Variants in SNHG17 observed in about 807,000 individuals in gnomAD.
SNHG17 encodes the protein small nucleolar RNA host gene 17 (non-protein coding).
intron 2 of SNHG17, among the ~76,000 whole-genome samples, chr20:38,434,256 C>T (rs936901306): frequency 1.3e-5 from 2 of 152,258 alleles, no homozygotes; most frequent in African/African-American, 4.8e-5. Flanking sequence ...GAAAAACAGC[C>T]AAGGCCTCTG....
chr20:38,424,672 T>C (rs965878884), intron 5 of SNHG17, among the ~76,000 whole-genome samples: 1 of 152,080 alleles, frequency 6.6e-6, no homozygotes, highest in African/African-American at 2.4e-5. Flanking sequence ...AAACCAACAA[T>C]TCCCAGACAG....
chr20:38,435,295 G>T, exon 1 of SNHG17: 4 of 1,231,692 alleles, frequency 3.2e-6, no homozygotes, highest in Non-Finnish European at 4.0e-6. Context: ...GGTGGCGTGC[G>T]ATGGCGAAGG....
chr20:38,429,409 C>T (rs763254632), intron 3 of SNHG17: 22 of 193,324 alleles, frequency 1.1e-4, no homozygotes, highest in Admixed American at 1.9e-4. Context: ...ACAATTTCCA[C>T]AGGTTCAGCT....
chr20:38,435,321 G>A (rs2084414305), exon 1 of SNHG17: 6 of 1,231,324 alleles, frequency 4.9e-6, no homozygotes, highest in South Asian at 4.1e-5. Context: ...GAGGGACGGC[G>A]AAGGACTGAG....
chr20:38,424,739 G>C (rs1009983377), intron 5 of SNHG17, among the ~76,000 whole-genome samples: 2 of 152,072 alleles, frequency 1.3e-5, no homozygotes, highest in African/African-American at 4.8e-5. Flanking sequence ...GAGAGCTTCT[G>C]GGGGGAGCTC....
chr20:38,435,091 C>T (rs2084409806), intron 1 of SNHG17: 2 of 1,232,046 alleles, frequency 1.6e-6, no homozygotes, highest in African/African-American at 1.6e-5. Context: ...GAGGACGAGA[C>T]ACTGCACCAA....
chr20:38,428,029 G>A (rs1274962132), intron 3 of SNHG17: 1 of 152,240 alleles, frequency 6.6e-6, no homozygotes, highest in Non-Finnish European at 1.5e-5. Context: ...GAGAGGGAGG[G>A]AGCATGAGGA....
intron 5 of SNHG17, among the ~76,000 whole-genome samples, chr20:38,422,743 T>C (rs2084178087): frequency 6.6e-6 from 1 of 152,110 alleles, no homozygotes; most frequent in Non-Finnish European, 1.5e-5. Context: ...AAAGAAAATG[T>C]GGCATACGCA....
chr20:38,421,516 T>G (rs2084156362), intron 6 of SNHG17: 1 of 152,230 alleles, frequency 6.6e-6, no homozygotes, highest in South Asian at 2.1e-4. Flanking sequence ...GCAGACTGGT[T>G]TCTGGCAGGA....
At chr20:38,432,232 C>A in intron 2 of SNHG17, 1 of 893,886 alleles carries the variant, frequency 1.1e-6, no homozygotes, top group Non-Finnish European at 1.3e-6. Flanking sequence ...CTCAGCAACA[C>A]GAAGAGTTCA....
At chr20:38,433,514 T>G (rs1032030273) in intron 2 of SNHG17, among the ~76,000 whole-genome samples, 4 of 152,168 alleles carry the variant, frequency 2.6e-5, no homozygotes, top group African/African-American at 7.2e-5. Context: ...CGAGGATCAC[T>G]TGAGTACAGG....
chr20:38,425,647 A>G (rs2084234057), intron 5 of SNHG17, among the ~76,000 whole-genome samples: 1 of 152,178 alleles, frequency 6.6e-6, no homozygotes, highest in Admixed American at 6.6e-5. Context: ...TGGTTCTGGG[A>G]CCACAGTTTG....
chr20:38,432,262 T>C (rs528928051), intron 2 of SNHG17: 1 of 666,598 alleles, frequency 1.5e-6, no homozygotes, highest in Admixed American at 6.3e-5. Flanking sequence ...GAACCAGTCA[T>C]CAGGGACAGC....
exon 8 of SNHG17, chr20:38,420,794 G>A (rs1432856751): frequency 2.6e-5 from 4 of 152,136 alleles, no homozygotes; most frequent in Admixed American, 6.5e-5. Context: ...CAGTGGATCC[G>A]GGGTGCTCTG....
intron 5 of SNHG17, among the ~76,000 whole-genome samples, chr20:38,424,600 C>A (rs1421472326): frequency 6.6e-6 from 1 of 152,182 alleles, no homozygotes; most frequent in African/African-American, 2.4e-5. Context: ...TACCAGGCAC[C>A]ATGTGAAACA....
At chr20:38,421,589 CA>C (rs3840952) in intron 6 of SNHG17, 9,820 of 152,274 alleles carry the variant, frequency 0.064, 411 homozygotes, top group Middle Eastern at 0.15. Flanking sequence ...CTAGTCACCA[CA>C]TCACATGGGC....
chr20:38,432,305 T>A, intron 2 of SNHG17: 4 of 371,928 alleles, frequency 1.1e-5, no homozygotes, highest in Non-Finnish European at 1.5e-5. Flanking sequence ...ATTGTTGAAT[T>A]TGTGATCCTG....
intron 5 of SNHG17, chr20:38,425,100 C>T (rs1003652850): frequency 4.0e-5 from 17 of 426,260 alleles, no homozygotes; most frequent in African/African-American, 1.6e-4. Flanking sequence ...GTCTCTTCTC[C>T]GGCCTGTTGA....
At position 38,423,066 on chromosome 20, in the gene SNHG17, T is replaced by A. The variant is rs189342299; in HGVS notation, n.580-825A>T. Among the ~76,000 whole-genome samples, 86 of 150,330 alleles carry A rather than the reference T, an allele frequency of 5.7e-4. No individual in the cohort carries two copies. The East Asian group carries it at 0.014, about 25-fold the overall frequency. On this transcript the variant is annotated intron_variant and non_coding_transcript_variant, in intron 5 of 8. Transcript: ENST00000654008. ...GAGATCGCACCACTGCACTCCAGCCTGGGCAACAAGAGCAAAACTCCATCT... is the reference window on the plus strand; with the variant it reads ...GAGATCGCACCACTGCACTCCAGCCAGGGCAACAAGAGCAAAACTCCATCT...
Sources: gnomAD v4.1 joint callset for allele counts (sites outside exome capture counted in the v4.1 genomes callset) on GRCh38, gnomAD v4.1.1 for gene constraint, MANE v1.5 for transcripts, NCBI Gene and HGNC (gene_info 2026-07-23, HGNC 2026-07-21) for gene names.